PDZRN4: variants seen among roughly 807,000 people sequenced by gnomAD.
PDZRN4 encodes the protein PDZ domain-containing RING finger protein 4.
Under a neutral mutation model 99.0 loss-of-function variants are expected in PDZRN4, and 70 were observed. The observed-to-expected ratio is 0.71, with a 90% CI of 0.58 to 0.86. The LOEUF is 0.86. Among genes scored for constraint, PDZRN4 ranks in the 40% least tolerant of loss-of-function variants. PDZRN4 has a pLI of 0.00. For synonymous variants in PDZRN4, 551 were observed against 501.6 expected (o/e 1.10, Z -1.32); for missense variants, 1,474 against 1,331.2 (o/e 1.11, Z -1.67).
At chr12:41,569,893 T>C (rs1939445400) in intron 9 of PDZRN4, among the ~76,000 whole-genome samples, 1 of 152,176 alleles carries the variant, frequency 6.6e-6, no homozygotes, top group Non-Finnish European at 1.5e-5. Context: ...CAGATTAAAA[T>C]TTTTATGTAT....
chr12:41,505,421 A>T (rs191326198), intron 3 of PDZRN4, among the ~76,000 whole-genome samples: 7 of 152,086 alleles, frequency 4.6e-5, no homozygotes, highest in African/African-American at 1.7e-4. Flanking sequence ...TTAAAACACA[A>T]CTTCCGCTAA....
At chr12:41,379,875 G>A (rs1251374025) in intron 3 of PDZRN4, among the ~76,000 whole-genome samples, 1 of 151,902 alleles carries the variant, frequency 6.6e-6, no homozygotes, top group Non-Finnish European at 1.5e-5. Context: ...TTGGTCTATA[G>A]TGTTGTTAAA....
intron 3 of PDZRN4, among the ~76,000 whole-genome samples, chr12:41,220,147 C>A (rs546290657): frequency 5.2e-4 from 79 of 152,234 alleles, no homozygotes; most frequent in African/African-American, 1.8e-3. Context: ...GCTGCCATAA[C>A]AAAGTCCCAT....
At chr12:41,445,370 G>A (rs1011987151) in intron 3 of PDZRN4, among the ~76,000 whole-genome samples, 28 of 151,968 alleles carry the variant, frequency 1.8e-4, no homozygotes, top group Admixed American at 1.6e-3. Context: ...TTCCAATCAT[G>A]TTAGTAACAA....
At chr12:41,360,986 G>T (rs1465157393) in intron 3 of PDZRN4, among the ~76,000 whole-genome samples, 1 of 149,080 alleles carries the variant, frequency 6.7e-6, no homozygotes, top group African/African-American at 2.5e-5. Flanking sequence ...GTATTCTTTG[G>T]AACATACACA....
intron 3 of PDZRN4, among the ~76,000 whole-genome samples, chr12:41,428,545 A>T (rs1033263759): frequency 6.6e-6 from 1 of 152,228 alleles, no homozygotes; most frequent in Non-Finnish European, 1.5e-5. Flanking sequence ...AGACAGAGTC[A>T]TGTTAGCAGA....
chr12:41,401,269 A>G (rs547806204), intron 3 of PDZRN4, among the ~76,000 whole-genome samples: 54 of 152,306 alleles, frequency 3.5e-4, no homozygotes, highest in South Asian at 8.3e-4. Flanking sequence ...CATTTCCCTC[A>G]TTCAGGAAAC....
At chr12:41,511,544 G>A (rs868003407) in intron 5 of PDZRN4, among the ~76,000 whole-genome samples, 31 of 152,084 alleles carry the variant, frequency 2.0e-4, no homozygotes, top group African/African-American at 3.4e-4. Flanking sequence ...GAATGTTCCT[G>A]TGAAATTCAA....
chr12:41,370,929 T>C (rs1407417213), intron 3 of PDZRN4, among the ~76,000 whole-genome samples: 3 of 151,540 alleles, frequency 2.0e-5, no homozygotes, highest in African/African-American at 7.2e-5. Context: ...TCATGTTCAG[T>C]CATTTACTTC....
At position 41,402,207 on chromosome 12, in the gene PDZRN4, TACATATATATAC is replaced by T. The variant is rs66513429; in HGVS notation, c.844-104245_844-104234del. Among the ~76,000 whole-genome samples, 469 of 47,310 alleles carry T rather than the reference TACATATATATAC, an allele frequency of 9.9e-3. 52 individuals are homozygous for T. Among genetic ancestry groups the T allele is most frequent in the African/African-American group, 0.015 (94 of 6,462 alleles). The allele number at this position is 47,310 out of a possible 152,430, so 31.0% of individuals were successfully genotyped here. A position where few individuals can be genotyped will look rare whatever the true frequency, so the allele number is the denominator to read the frequency against. On this transcript the variant is annotated intron_variant, in intron 3 of 9. Transcript: ENST00000402685. ...TATATATATACACACACACTGAGTA[TACATATATATAC>T]ACACACACTGAGTATACATATATAT...
chr12:41,251,522 G>A (rs1278913473), intron 3 of PDZRN4, among the ~76,000 whole-genome samples: 1 of 151,972 alleles, frequency 6.6e-6, no homozygotes, highest in Non-Finnish European at 1.5e-5. Context: ...GCTCTGATAG[G>A]GTCTCTTTTC....
At chr12:41,339,723 T>C (rs11180836) in intron 3 of PDZRN4, among the ~76,000 whole-genome samples, 73,362 of 151,768 alleles carry the variant, frequency 0.48, 18,303 homozygotes, top group Middle Eastern at 0.65. Context: ...AACAACTCAA[T>C]AGAAAAATAT....
intron 3 of PDZRN4, among the ~76,000 whole-genome samples, chr12:41,263,707 T>C (rs1181400161): frequency 2.0e-5 from 3 of 151,816 alleles, no homozygotes; most frequent in African/African-American, 7.3e-5. Flanking sequence ...GAAAATAGAG[T>C]CTATCAATAA....
intron 9 of PDZRN4, among the ~76,000 whole-genome samples, chr12:41,570,083 G>A (rs1008732647): frequency 1.4e-4 from 22 of 152,022 alleles, no homozygotes; most frequent in Non-Finnish European, 2.1e-4. Context: ...AAGTGACAAC[G>A]GTGTCAAACG....
At position 41,573,756 on chromosome 12, in the gene PDZRN4, A is replaced by G. The variant is rs1381256731; in HGVS notation, c.2977A>G (p.Lys993Glu). 1.2e-6 allele frequency: 2 copies of G among 1,613,776 alleles called. No individual in the cohort carries two copies. Among genetic ancestry groups the G allele is most frequent in the Non-Finnish European group, 1.7e-6 (2 of 1,179,932 alleles). The change falls in exon 10 of 10, where the codon AAA (lysine) becomes GAA (glutamate). Residue 993 changes from lysine (K) to glutamate (E), a missense_variant. Physicochemically the swap from Lys to Glu is moderately conservative, Grantham distance 56 (BLOSUM62 1). Coordinates refer to ENST00000402685, the MANE Select transcript of PDZRN4 (RefSeq NM_001164595.2). ...KEINIIELSH[K>E]KMMKKRNKKI... ...GATCAATATCATTGAACTGAGTCAC[A>G]AAAAGATGATGAAAAAGAGAAACAA...
intron 3 of PDZRN4, among the ~76,000 whole-genome samples, chr12:41,216,286 A>T (rs1347400679): frequency 1.3e-5 from 2 of 152,016 alleles, no homozygotes; most frequent in African/African-American, 2.4e-5. Context: ...AAATGCAAGC[A>T]ATCATTATGC....
intron 3 of PDZRN4, among the ~76,000 whole-genome samples, chr12:41,450,823 G>A (rs1023119624): frequency 6.6e-6 from 1 of 152,106 alleles, no homozygotes; most frequent in African/African-American, 2.4e-5. Flanking sequence ...AGCTACGTGG[G>A]AGGCTAAGAC....
At chr12:41,449,560 C>G (rs113502403) in intron 3 of PDZRN4, among the ~76,000 whole-genome samples, 1 of 151,976 alleles carries the variant, frequency 6.6e-6, no homozygotes, top group South Asian at 2.1e-4. Flanking sequence ...TGGATGTGCA[C>G]GCAAATAACT....
At chr12:41,486,005 T>A (rs1051840862) in intron 3 of PDZRN4, among the ~76,000 whole-genome samples, 2 of 152,174 alleles carry the variant, frequency 1.3e-5, no homozygotes, top group African/African-American at 2.4e-5. Flanking sequence ...TCAATATTAT[T>A]ATGTGAAAAA....
Sources: allele counts gnomAD v4.1 joint callset (sites outside exome capture counted in the v4.1 genomes callset), GRCh38; gene constraint gnomAD v4.1.1; transcripts MANE v1.5; gene names NCBI Gene and HGNC (gene_info 2026-07-23, HGNC 2026-07-21).